The following GALNT14 variants were observed in gnomAD, a reference collection of about 807,000 sequenced individuals.
GALNT14 encodes the protein UDP-GalNAc:polypeptide N-acetylgalactosaminyltransferase 14.
GALNT14 carries 60 observed loss-of-function variants against 77.5 expected under a neutral mutation model. The observed-to-expected ratio is 0.77, with a 90% confidence interval of 0.63 to 0.96. The LOEUF (loss-of-function observed/expected upper bound fraction) is 0.96, where lower values mean the gene tolerates loss of function less well. GALNT14 is among the 40% of genes least tolerant of loss of function. GALNT14 has a pLI of 0.00. For synonymous variants in GALNT14, 280 were observed against 281.7 expected (o/e 0.99, Z 0.06); for missense variants, 710 against 731.0 (o/e 0.97, Z 0.33).
At chr2:30,922,158 C>T (rs1016105591) in intron 13 of GALNT14, among the ~76,000 whole-genome samples, 2 of 152,066 alleles carry the variant, frequency 1.3e-5, no homozygotes, top group Non-Finnish European at 2.9e-5. Context: ...ATGCTCATGG[C>T]TATCTGTTGT....
chr2:30,926,047 C>T (rs1277218746), intron 11 of GALNT14, among the ~76,000 whole-genome samples: 1 of 152,174 alleles, frequency 6.6e-6, no homozygotes, highest in African/African-American at 2.4e-5. Context: ...TGCTTCCTGT[C>T]CAACTCACTT....
At chr2:31,025,907 G>A (rs1408377870) in intron 1 of GALNT14, among the ~76,000 whole-genome samples, 3 of 152,168 alleles carry the variant, frequency 2.0e-5, no homozygotes, top group Admixed American at 2.0e-4. Context: ...TCTTTTTCAG[G>A]AAAGTTCAGT....
chr2:31,017,337 A>G (rs6758501), intron 1 of GALNT14, among the ~76,000 whole-genome samples: 5 of 152,206 alleles, frequency 3.3e-5, no homozygotes, highest in African/African-American at 1.2e-4. Context: ...CACAATAGGC[A>G]TTGCTGATGG....
At chr2:31,018,071 T>C (rs1451937364) in intron 1 of GALNT14, among the ~76,000 whole-genome samples, 4 of 152,144 alleles carry the variant, frequency 2.6e-5, no homozygotes, top group Non-Finnish European at 5.9e-5. Context: ...GGAGAAACAA[T>C]TTTCACGACA....
intron 1 of GALNT14, among the ~76,000 whole-genome samples, chr2:31,075,020 G>A (rs989375388): frequency 6.6e-6 from 1 of 152,212 alleles, no homozygotes; most frequent in Non-Finnish European, 1.5e-5. Flanking sequence ...GGGGCCTGGT[G>A]GGAGGTGTTC....
At chr2:31,061,555 A>G (rs1674592289) in intron 1 of GALNT14, among the ~76,000 whole-genome samples, 1 of 152,164 alleles carries the variant, frequency 6.6e-6, no homozygotes, top group South Asian at 2.1e-4. Flanking sequence ...AAACTGAACA[A>G]TGACCATAAA....
At position 30,989,009 on chromosome 2, in the gene GALNT14, A is replaced by T. The variant is rs537213994; in HGVS notation, c.299+3829T>A. Among the ~76,000 whole-genome samples, 4 of 152,284 alleles carry T rather than the reference A, an allele frequency of 2.6e-5. No homozygotes were observed. The South Asian group carries it at 6.2e-4, about 24-fold the overall frequency. On this transcript the variant is annotated intron_variant, in intron 2 of 14. Transcript: ENST00000349752. Reference sequence around the variant, plus strand: ...TGTGGACTCACGGGCCCCATCTCAGACGTACTAAATCAGATTTTAACAAGA... The same window carrying T: ...TGTGGACTCACGGGCCCCATCTCAGTCGTACTAAATCAGATTTTAACAAGA...
At chr2:31,052,018 C>CA (rs1371587793) in intron 1 of GALNT14, among the ~76,000 whole-genome samples, 1 of 152,118 alleles carries the variant, frequency 6.6e-6, no homozygotes, top group Non-Finnish European at 1.5e-5. Context: ...CAGTGGTGAC[C>CA]AAAATGTGCC....
At chr2:31,068,911 T>C (rs539650658) in intron 1 of GALNT14, among the ~76,000 whole-genome samples, 133 of 152,310 alleles carry the variant, frequency 8.7e-4, no homozygotes, top group Non-Finnish European at 1.5e-3. Flanking sequence ...AGGCCACGTA[T>C]TGTATGATTC....
At chr2:30,908,940 G>C (rs896747125), downstream of GALNT14, among the ~76,000 whole-genome samples, 3,507 of 151,262 alleles carry the variant, frequency 0.023, 72 homozygotes, top group Non-Finnish European at 0.032. Context: ...ACAAACCTGA[G>C]AAAAACAAGC....
intron 2 of GALNT14, among the ~76,000 whole-genome samples, chr2:30,990,742 C>A (rs781782724): frequency 1.3e-5 from 2 of 152,188 alleles, no homozygotes; most frequent in Non-Finnish European, 1.5e-5. Context: ...TTTTCATGCA[C>A]ATTCAGAGTA....
downstream of GALNT14, among the ~76,000 whole-genome samples, chr2:30,906,743 C>A (rs1445138833): frequency 2.0e-5 from 3 of 152,182 alleles, no homozygotes; most frequent in African/African-American, 7.2e-5. Context: ...CACCCCAAAT[C>A]AACAGAATAT....
At chr2:31,022,058 C>T (rs955719238) in intron 1 of GALNT14, among the ~76,000 whole-genome samples, 2 of 152,210 alleles carry the variant, frequency 1.3e-5, no homozygotes, top group East Asian at 1.9e-4. Context: ...AGAAAGATTC[C>T]GTCTTCCCTG....
At chr2:31,135,783 C>A (rs1679205326) in intron 1 of GALNT14, among the ~76,000 whole-genome samples, 1 of 152,202 alleles carries the variant, frequency 6.6e-6, no homozygotes, top group South Asian at 2.1e-4. Flanking sequence ...TGTGGCCCCC[C>A]ACCCCCATGC....
At chr2:30,916,732 C>CAG (rs1664702671) in intron 13 of GALNT14, among the ~76,000 whole-genome samples, 1 of 151,980 alleles carries the variant, frequency 6.6e-6, no homozygotes, top group African/African-American at 2.4e-5. Context: ...CAGCCTGGGG[C>CAG]TTGTGGTCTT....
chr2:30,922,023 C>T (rs963970888), intron 13 of GALNT14, among the ~76,000 whole-genome samples: 5 of 152,064 alleles, frequency 3.3e-5, no homozygotes, highest in African/African-American at 9.7e-5. Context: ...AGATATGAGA[C>T]AATGAGGGGT....
At chr2:30,996,659 A>G (rs772787489) in intron 1 of GALNT14, among the ~76,000 whole-genome samples, 2 of 152,234 alleles carry the variant, frequency 1.3e-5, no homozygotes, top group Non-Finnish European at 2.9e-5. Flanking sequence ...ATCCCTGGCT[A>G]CAGTGCCTTC....
intron 2 of GALNT14, among the ~76,000 whole-genome samples, chr2:30,989,128 G>A (rs982127182): frequency 1.3e-5 from 2 of 152,164 alleles, no homozygotes; most frequent in Non-Finnish European, 2.9e-5. Flanking sequence ...TTAGAAAAGA[G>A]ATACTTCAGC....
At chr2:30,931,336 G>A (rs1300698774) in intron 10 of GALNT14, among the ~76,000 whole-genome samples, 1 of 152,206 alleles carries the variant, frequency 6.6e-6, no homozygotes, top group Non-Finnish European at 1.5e-5. Flanking sequence ...GAGATAGAGG[G>A]TGGGGGAAAG....
Sources: gnomAD v4.1 joint callset for allele counts (sites outside exome capture counted in the v4.1 genomes callset) on GRCh38, gnomAD v4.1.1 for gene constraint, MANE v1.5 for transcripts, NCBI Gene and HGNC (gene_info 2026-07-23, HGNC 2026-07-21) for gene names.